ST3GAL5: variants seen among roughly 807,000 people sequenced by gnomAD.
ST3GAL5 encodes lactosylceramide alpha-2,3-sialyltransferase.
Under a neutral mutation model 46.1 loss-of-function variants are expected in ST3GAL5, and 25 were observed. The ratio of observed to expected loss-of-function variants is 0.54; its 90% CI spans 0.40 to 0.76. The LOEUF (loss-of-function observed/expected upper bound fraction) is 0.76, where lower values mean the gene tolerates loss of function less well. Ranked by LOEUF, ST3GAL5 falls within the 30% of genes least tolerant of loss-of-function variation. ST3GAL5 has a pLI of 0.00. For synonymous variants in ST3GAL5, 182 were observed against 192.7 expected (o/e 0.94, Z 0.46); for missense variants, 431 against 521.2 (o/e 0.83, Z 1.69).
chr2:85,858,022 G>A (rs13025142), intron 3 of ST3GAL5: 49,830 of 152,062 alleles, frequency 0.33, 9,281 homozygotes, highest in Middle Eastern at 0.45. Context: ...GGATAATACC[G>A]ATGGAATGTG....
At chr2:85,843,633 A>G (rs1487351220) in intron 6 of ST3GAL5, among the ~76,000 whole-genome samples, 1 of 152,036 alleles carries the variant, frequency 6.6e-6, no homozygotes, top group Non-Finnish European at 1.5e-5. Flanking sequence ...GTTTATTCTC[A>G]TTGTACATGT....
chr2:85,855,398 G>T (rs1683990973), intron 3 of ST3GAL5: 1 of 152,110 alleles, frequency 6.6e-6, no homozygotes, highest in Non-Finnish European at 1.5e-5. Flanking sequence ...TCTGTAAATT[G>T]CCCAGTCTTA....
chr2:85,881,779 CTAT>C (rs1558709221), intron 1 of ST3GAL5, among the ~76,000 whole-genome samples: 1 of 31,436 alleles, frequency 3.2e-5, no homozygotes. Flanking sequence ...TGCAGCCTGA[CTAT>C]GTGACAGAAA....
intron 1 of ST3GAL5, among the ~76,000 whole-genome samples, chr2:85,869,082 C>T (rs1196975812): frequency 6.6e-6 from 1 of 152,174 alleles, no homozygotes. Flanking sequence ...TAGGGTCTTG[C>T]TCTGTTGCCA....
At chr2:85,851,659 A>G (rs1001377835) in intron 3 of ST3GAL5, 3 of 1,289,332 alleles carry the variant, frequency 2.3e-6, no homozygotes, top group Non-Finnish European at 2.0e-6. Context: ...CATAGCTCAC[A>G]GCTCAGAAGA....
chr2:85,888,403 CAG>C (rs1292127386), intron 1 of ST3GAL5: 7 of 154,436 alleles, frequency 4.5e-5, no homozygotes, highest in African/African-American at 9.6e-5. Flanking sequence ...CCGATGGATG[CAG>C]AGAGAGGTTT....
At position 85,846,473 on chromosome 2, in the gene ST3GAL5, A is replaced by G. The variant is rs1295143766; in HGVS notation, c.753T>C (p.Ser251=). ...RMTYPEGAPL[S]DLEYYSNDLF... ...AGTCATTGGAATAATATTCAAGGTCAGACAGTGGTGCGCCCTCTGGATAAG... is the reference window on the plus strand; with the variant it reads ...AGTCATTGGAATAATATTCAAGGTCGGACAGTGGTGCGCCCTCTGGATAAG... Residue 251 remains serine (S), a synonymous_variant, in exon 5 of 7, where the codon TCT becomes TCC. Coordinates refer to ENST00000638572, the MANE Select transcript of ST3GAL5 (RefSeq NM_003896.4). The G allele has an allele frequency of 6.2e-7, 1 of 1,614,252 alleles. No homozygotes were observed. The highest frequency in any genetic ancestry group is 1.1e-5 in the South Asian group (1 of 91,084).
intron 1 of ST3GAL5, among the ~76,000 whole-genome samples, chr2:85,871,583 A>G (rs946363710): frequency 6.6e-6 from 1 of 152,214 alleles, no homozygotes; most frequent in Non-Finnish European, 1.5e-5. Context: ...ACTGATATTT[A>G]TTGAGAGGGA....
intron 3 of ST3GAL5, chr2:85,850,104 T>G (rs1489758153): frequency 6.6e-6 from 1 of 152,194 alleles, no homozygotes; most frequent in Non-Finnish European, 1.5e-5. Flanking sequence ...AGATACTTAA[T>G]ATATTATAGC....
intron 1 of ST3GAL5, among the ~76,000 whole-genome samples, chr2:85,881,509 T>A (rs6547640): frequency 0.55 from 83,917 of 151,764 alleles, 23,653 homozygotes; most frequent in East Asian, 0.68. Context: ...ACAATAAATA[T>A]CCAGGTTGAG....
chr2:85,846,680 A>G, intron 4 of ST3GAL5, 117 bp from the exon 5 acceptor site: 2 of 999,878 alleles, frequency 2.0e-6, no homozygotes, highest in South Asian at 1.4e-5. Context: ...GAATGAGTGC[A>G]TGGTTTGCAG....
At chr2:85,883,308 T>C (rs968959075) in intron 1 of ST3GAL5, among the ~76,000 whole-genome samples, 3 of 152,212 alleles carry the variant, frequency 2.0e-5, no homozygotes, top group Non-Finnish European at 4.4e-5. Context: ...GATGGGTTTA[T>C]CAGGGGTTTC....
At chr2:85,889,000 C>G, upstream of ST3GAL5, 3 of 953,508 alleles carry the variant, frequency 3.1e-6, no homozygotes, top group Non-Finnish European at 2.7e-6. Flanking sequence ...TGGGGGCCGC[C>G]GCTCCCCCGC....
chr2:85,875,361 G>A (rs1311167564), intron 1 of ST3GAL5: 6 of 80,838 alleles, frequency 7.4e-5, no homozygotes, highest in African/African-American at 1.0e-4. Context: ...ACACTTGCCT[G>A]ATTTTTTTTT....
rs1688065665 is a variant in ST3GAL5, at chr2:85,888,804, G to A, written c.82+20C>T. The A allele has an allele frequency of 2.5e-6, 3 of 1,205,286 alleles. No individual in the cohort carries two copies. Among genetic ancestry groups the A allele is most frequent in the Middle Eastern group, 3.3e-4 (1 of 3,018 alleles). The allele number at this position is 1,205,286 out of a possible 1,614,324, so 74.7% of individuals were successfully genotyped here. ...GCCCGCGGGCCCCCGCGACGCCGAG[G>A]AGGGGGCTGCGCCACGTACCTCGGC... On this transcript the variant is annotated intron_variant, in intron 1 of 6. Transcript: ENST00000638572.
chr2:85,851,432 C>A, intron 3 of ST3GAL5: 1 of 1,211,222 alleles, frequency 8.3e-7, no homozygotes, highest in Admixed American at 3.1e-5. Context: ...AGGGCTTTTT[C>A]TGTAGAGAGC....
chr2:85,851,463 T>A, intron 3 of ST3GAL5: 1 of 1,252,130 alleles, frequency 8.0e-7, no homozygotes, highest in East Asian at 5.7e-5. Flanking sequence ...CTCCATCTCA[T>A]AGCCACTCAG....
intron 1 of ST3GAL5, among the ~76,000 whole-genome samples, chr2:85,874,378 G>A (rs1292779513): frequency 6.6e-6 from 1 of 152,140 alleles, no homozygotes; most frequent in East Asian, 1.9e-4. Flanking sequence ...GATGTCAAGA[G>A]GGCAGTTACT....
At chr2:85,841,601 T>C (rs571110530) in intron 6 of ST3GAL5, among the ~76,000 whole-genome samples, 2 of 152,308 alleles carry the variant, frequency 1.3e-5, no homozygotes, top group East Asian at 1.9e-4. Flanking sequence ...TCCCAAAGTG[T>C]TGGGATTACA....
Sources: allele counts gnomAD v4.1 joint callset (sites outside exome capture counted in the v4.1 genomes callset), GRCh38; gene constraint gnomAD v4.1.1; transcripts MANE v1.5; gene names NCBI Gene and HGNC (gene_info 2026-07-23, HGNC 2026-07-21).